Variants in PRKN observed in about 807,000 individuals in gnomAD.
PRKN encodes the protein E3 ubiquitin-protein ligase parkin.
A neutral mutation model predicts 59.5 loss-of-function variants in PRKN; 56 were observed. That is an observed-to-expected ratio of 0.94 (90% CI 0.76 to 1.18). The LOEUF (loss-of-function observed/expected upper bound fraction) is 1.18. Ranked by LOEUF, PRKN falls within the 50% of genes most tolerant of loss-of-function variation. The probability of loss-of-function intolerance (pLI) is 0.00; values close to 1 mark genes in which losing one functional copy is unlikely to be tolerated. For missense variants in PRKN, 657 were observed against 596.4 expected (o/e 1.10, Z -1.06); for synonymous variants, 250 against 222.1 (o/e 1.13, Z -1.12).
At chr6:162,477,739 T>C (rs947227447) in intron 1 of PRKN, among the ~76,000 whole-genome samples, 1 of 152,170 alleles carries the variant, frequency 6.6e-6, no homozygotes, top group African/African-American at 2.4e-5. Context: ...AGCTTGTTTC[T>C]AGGTCATGCT....
chr6:161,537,704 G>A (rs1225320479), intron 9 of PRKN, among the ~76,000 whole-genome samples: 5 of 152,188 alleles, frequency 3.3e-5, no homozygotes, highest in East Asian at 1.9e-4. Flanking sequence ...GCCCGCCTTA[G>A]CCTCCCAAAG....
intron 2 of PRKN, among the ~76,000 whole-genome samples, chr6:162,433,152 C>T (rs1274251190): frequency 6.6e-6 from 1 of 152,150 alleles, no homozygotes; most frequent in Admixed American, 6.6e-5. Flanking sequence ...GTGAATTATT[C>T]ATCAAATTAA....
At chr6:161,855,312 A>G (rs1793607537) in intron 6 of PRKN, among the ~76,000 whole-genome samples, 1 of 152,128 alleles carries the variant, frequency 6.6e-6, no homozygotes, top group African/African-American at 2.4e-5. Context: ...TAACAAGGAG[A>G]CACATATGAA....
intron 1 of PRKN, among the ~76,000 whole-genome samples, chr6:162,598,205 G>A (rs1781563884): frequency 6.6e-6 from 1 of 152,128 alleles, no homozygotes; most frequent in African/African-American, 2.4e-5. Flanking sequence ...TATCATGGAA[G>A]TCTACTATTT....
rs544951399 is a variant in PRKN at position 162,036,661 on chromosome 6, G to C, written c.618+17430C>G. Among the ~76,000 whole-genome samples, 287 of 152,064 alleles carry C rather than the reference G, an allele frequency of 1.9e-3. 1 individual carries two copies. Among genetic ancestry groups the C allele is most frequent in the African/African-American group, 6.8e-3 (283 of 41,508 alleles). On this transcript the variant is annotated intron_variant, in intron 5 of 11. Coordinates refer to ENST00000366898, the MANE Select transcript of PRKN (RefSeq NM_004562.3). ...CTCCCAAAGTGCTGGGATTACAGGCGTGAGCCACCACGCCTGGCCATCTGA... is the reference window on the plus strand; with the variant it reads ...CTCCCAAAGTGCTGGGATTACAGGCCTGAGCCACCACGCCTGGCCATCTGA...
intron 6 of PRKN, among the ~76,000 whole-genome samples, chr6:161,908,994 G>A (rs1016139753): frequency 6.6e-6 from 1 of 152,128 alleles, no homozygotes; most frequent in African/African-American, 2.4e-5. Context: ...ATTGAAGAGA[G>A]GCCTGTAATG....
chr6:162,520,120 G>A (rs1778028203), intron 1 of PRKN, among the ~76,000 whole-genome samples: 1 of 152,050 alleles, frequency 6.6e-6, no homozygotes, highest in Non-Finnish European at 1.5e-5. Context: ...ATATGGCTTA[G>A]TGTGGAAGAA....
rs1163201139 is a variant in PRKN, at chr6:161,575,954, T to C, written c.872-6538A>G. Reference sequence around the variant, plus strand: ...TGCAGCGAGACTGAACACTGACCTCTGAGCACAAGCCAGAGAGCATGGGCC... The same window carrying C: ...TGCAGCGAGACTGAACACTGACCTCCGAGCACAAGCCAGAGAGCATGGGCC... On this transcript the variant is annotated intron_variant, in intron 7 of 11. Coordinates refer to ENST00000366898, the MANE Select transcript of PRKN (RefSeq NM_004562.3). The surrounding 1 kb of genome is among the most constrained non-coding windows in gnomAD (Gnocchi z 4.6). Among the ~76,000 whole-genome samples, 1 of 152,226 alleles carries C rather than the reference T, an allele frequency of 6.6e-6. No homozygotes were observed. Among genetic ancestry groups the C allele is most frequent in the African/African-American group, 2.4e-5 (1 of 41,462 alleles).
At chr6:162,666,894 T>A (rs1446470668) in intron 1 of PRKN, among the ~76,000 whole-genome samples, 1 of 152,080 alleles carries the variant, frequency 6.6e-6, no homozygotes, top group Non-Finnish European at 1.5e-5. Flanking sequence ...TTGTTTCCAT[T>A]ATAAACAAAC....
In PRKN at chr6:161,691,713, G is replaced by A. The variant is rs570542548; in HGVS notation, c.871+94059C>T. ...AAAAGCACAAAAATGTAAAAACCAC[G>A]GTACTAAATAGGCCATGAAAAGGAC... On this transcript the variant is annotated intron_variant, in intron 7 of 11. Coordinates refer to ENST00000366898, the MANE Select transcript of PRKN (RefSeq NM_004562.3). Among the ~76,000 whole-genome samples the A allele has an allele frequency of 3.3e-5, 5 of 152,204 alleles. No individual in the cohort carries two copies. In the East Asian group the frequency reaches 9.7e-4, roughly 29 times the overall value.
At chr6:162,359,079 A>AAAAAAT (rs57265104) in intron 2 of PRKN, among the ~76,000 whole-genome samples, 1 of 83,272 alleles carries the variant, frequency 1.2e-5, no homozygotes, top group African/African-American at 7.3e-5. Context: ...AAAAAAAAAA[A>AAAAAAT]ATATATATAT....
chr6:162,297,393 T>C (rs1209985779), intron 2 of PRKN, among the ~76,000 whole-genome samples: 1 of 152,116 alleles, frequency 6.6e-6, no homozygotes, highest in Admixed American at 6.5e-5. Context: ...CATCCACCTG[T>C]GTCTGATACC....
chr6:161,439,882 G>T (rs547816954), intron 9 of PRKN, among the ~76,000 whole-genome samples: 1 of 152,036 alleles, frequency 6.6e-6, no homozygotes, highest in South Asian at 2.1e-4. Flanking sequence ...GGTCAAGGTC[G>T]TCCCAGTAGA....
At chr6:162,120,725 T>A (rs1780876942) in intron 4 of PRKN, among the ~76,000 whole-genome samples, 1 of 152,172 alleles carries the variant, frequency 6.6e-6, no homozygotes, top group East Asian at 1.9e-4. Flanking sequence ...GTGTGAGCGA[T>A]ATTAAACCAG....
chr6:162,061,595 C>G (rs1182930680), intron 4 of PRKN, among the ~76,000 whole-genome samples: 1 of 152,176 alleles, frequency 6.6e-6, no homozygotes, highest in African/African-American at 2.4e-5. Flanking sequence ...TGACACTGTT[C>G]TGAGCATCCA....
intron 2 of PRKN, among the ~76,000 whole-genome samples, chr6:162,286,607 A>C: frequency 6.6e-6 from 1 of 152,222 alleles, no homozygotes; most frequent in East Asian, 1.9e-4. Flanking sequence ...AGTAAGAAGA[A>C]ACTTGTATCA....
intron 4 of PRKN, among the ~76,000 whole-genome samples, chr6:162,059,756 T>G (rs1197477963): frequency 6.6e-6 from 1 of 152,140 alleles, no homozygotes; most frequent in Non-Finnish European, 1.5e-5. Flanking sequence ...TCTTTTTTTT[T>G]GCCTAGTAAT....
At chr6:161,929,778 T>C (rs771323387) in intron 6 of PRKN, among the ~76,000 whole-genome samples, 2 of 152,128 alleles carry the variant, frequency 1.3e-5, no homozygotes, top group Non-Finnish European at 2.9e-5. Context: ...CCTCCCAAAG[T>C]GCTGTGACAT....
Position 161,454,875 on chromosome 6 carries a change from C to T in PRKN, c.1084-67998G>A, listed in dbSNP as rs1789893692. ...TGTCTAAAGTCATCCTTCCACTCCC[C>T]CAGTTGTCTCAGTTTCTCTGTCTTT... On this transcript the variant is annotated intron_variant, in intron 9 of 11. Coordinates refer to ENST00000366898, the MANE Select transcript of PRKN (RefSeq NM_004562.3). The surrounding 1 kb of genome is among the most constrained non-coding windows in gnomAD (Gnocchi z 4.6). Among the ~76,000 whole-genome samples the T allele has an allele frequency of 6.6e-6, 1 of 152,148 alleles. No individual in the cohort carries two copies. Among genetic ancestry groups the T allele is most frequent in the Admixed American group, 6.5e-5 (1 of 15,280 alleles).
Sources: gnomAD v4.1 joint callset for allele counts (sites outside exome capture counted in the v4.1 genomes callset) on GRCh38, gnomAD v4.1.1 for gene constraint, Gnocchi (gnomAD v3.1) non-coding constraint, MANE v1.5 for transcripts, NCBI Gene and HGNC (gene_info 2026-07-23, HGNC 2026-07-21) for gene names.